The following ATRN variants were observed in gnomAD, a reference collection of about 807,000 sequenced individuals.
ATRN encodes attractin-2.
In ATRN, 54 loss-of-function variants were observed where a neutral mutation model predicts 178.7. The ratio of observed to expected loss-of-function variants is 0.30; its 90% CI spans 0.24 to 0.38. ATRN has a LOEUF of 0.38. ATRN is among the 10% of genes least tolerant of loss of function. The pLI, the probability that ATRN is intolerant of heterozygous loss-of-function variation, is 1.00. For missense variants in ATRN, 1,443 were observed against 1,815.1 expected (o/e 0.79, Z 3.73); for synonymous variants, 636 against 663.0 (o/e 0.96, Z 0.63).
intron 1 of ATRN, among the ~76,000 whole-genome samples, chr20:3,486,629 G>T (rs1183462124): frequency 4.6e-5 from 7 of 152,016 alleles, no homozygotes; most frequent in Non-Finnish European, 1.0e-4. Flanking sequence ...TAATCTGTCC[G>T]CCTTGGCCTC....
In ATRN at chr20:3,535,618, CACACACACATAT is replaced by C. The variant is rs1399135728; in HGVS notation, c.494+284_494+295del. ...ACACACACACACACACACACACACA[CACACACACATAT>C]ATATTTATTTATTTTTATGGGACAG... On this transcript the variant is annotated intron_variant, in intron 2 of 28. Coordinates refer to ENST00000262919, the MANE Select transcript of ATRN (RefSeq NM_139321.3). Among the ~76,000 whole-genome samples, 1,044 of 145,732 alleles carry C rather than the reference CACACACACATAT, an allele frequency of 7.2e-3. 15 individuals are homozygous for C. Among genetic ancestry groups the C allele is most frequent in the African/African-American group, 0.025 (990 of 39,448 alleles).
At chr20:3,475,575 T>G (rs1345180922) in intron 1 of ATRN, among the ~76,000 whole-genome samples, 1 of 152,254 alleles carries the variant, frequency 6.6e-6, no homozygotes, top group Admixed American at 6.5e-5. Flanking sequence ...TATGTGAATC[T>G]TCATAATTCA....
chr20:3,543,986 A>G (rs1453742529), intron 3 of ATRN, among the ~76,000 whole-genome samples: 1 of 152,164 alleles, frequency 6.6e-6, no homozygotes, highest in Non-Finnish European at 1.5e-5. Context: ...GTGAGCTGTG[A>G]TCATGCCACT....
chr20:3,595,013 C>T (rs1411585794), intron 20 of ATRN, among the ~76,000 whole-genome samples: 1 of 152,212 alleles, frequency 6.6e-6, no homozygotes, highest in African/African-American at 2.4e-5. Context: ...TCCCATTACT[C>T]TAGCATTTTC....
intron 6 of ATRN, 84 bp downstream of exon 6, chr20:3,549,422 CCAGT>C (rs150469117): frequency 2.0e-5 from 24 of 1,208,902 alleles, no homozygotes; most frequent in Admixed American, 6.0e-5. Context: ...AAATAAATCA[CCAGT>C]CATTCTACTA....
chr20:3,590,392 G>A (rs2086423549), intron 18 of ATRN, among the ~76,000 whole-genome samples: 1 of 152,222 alleles, frequency 6.6e-6, no homozygotes, highest in South Asian at 2.1e-4. Context: ...TGCTTACAGT[G>A]CAGGTTGTGC....
At chr20:3,476,398 T>C (rs2084531346) in intron 1 of ATRN, among the ~76,000 whole-genome samples, 1 of 152,234 alleles carries the variant, frequency 6.6e-6, no homozygotes, top group Admixed American at 6.5e-5. Context: ...AGTCACTCTT[T>C]ATGGACGTTC....
At chr20:3,480,407 C>T (rs1322878380) in intron 1 of ATRN, among the ~76,000 whole-genome samples, 4 of 152,138 alleles carry the variant, frequency 2.6e-5, no homozygotes, top group African/African-American at 9.7e-5. Context: ...AGGAATTCAC[C>T]TCAGGTCAGA....
rs1357303129 is a variant in ATRN at position 3,543,219 on chromosome 20, G to A, written c.609-2543G>A. Among the ~76,000 whole-genome samples the A allele has an allele frequency of 1.3e-5, 2 of 152,282 alleles. 1 individual carries two copies. The highest frequency in any genetic ancestry group is 4.1e-4 in the South Asian group (2 of 4,830). On this transcript the variant is annotated intron_variant, in intron 3 of 28. Coordinates refer to ENST00000262919, the MANE Select transcript of ATRN (RefSeq NM_139321.3). ...ACACACCTGTGTGGGGAGTATCTGG[G>A]CTTATCTGTTGTTTTTCTAATGTGA... is the stretch of plus-strand genomic sequence containing the variant.
At chr20:3,594,195 T>C (rs2086490685) in intron 19 of ATRN, among the ~76,000 whole-genome samples, 1 of 152,200 alleles carries the variant, frequency 6.6e-6, no homozygotes, top group Admixed American at 6.5e-5. Context: ...ATCATAGCAG[T>C]GAAAAAGAGA....
intron 27 of ATRN, among the ~76,000 whole-genome samples, chr20:3,641,590 C>CAAA (rs61692220): frequency 0.27 from 12,935 of 48,296 alleles, 1,937 homozygotes; most frequent in Middle Eastern, 0.41. Flanking sequence ...GACTCTGTCG[C>CAAA]AAAAAAAAAA....
chr20:3,546,656 G>A (rs911956161), intron 4 of ATRN, among the ~76,000 whole-genome samples: 9 of 152,050 alleles, frequency 5.9e-5, no homozygotes, highest in African/African-American at 2.2e-4. Flanking sequence ...CTCCCAAAGT[G>A]TTGAGATTAC....
intron 17 of ATRN, 143 bp downstream of exon 17, chr20:3,584,226 C>A: frequency 2.4e-6 from 2 of 847,488 alleles, no homozygotes; most frequent in East Asian, 2.5e-5. Flanking sequence ...CAGAGACTGC[C>A]ATCGAGACCT....
chr20:3,645,397 AC>A lies in ATRN; in HGVS notation c.4165+1130del, dbSNP rs2087099939. On this transcript the variant is annotated intron_variant, in intron 28 of 28. Coordinates refer to ENST00000262919, the MANE Select transcript of ATRN (RefSeq NM_139321.3). This position sits in a 1 kb window ranked among gnomAD's most constrained non-coding sequence, Gnocchi z 4.7. ...GGGATTCCTGTGAGTTGAGCCCCTAACTCGGCCTTGCCTGTGTTGAGGACAG... is the reference window on the plus strand; with the variant it reads ...GGGATTCCTGTGAGTTGAGCCCCTAATCGGCCTTGCCTGTGTTGAGGACAG... Among the ~76,000 whole-genome samples, 1 of 152,098 alleles carries A rather than the reference AC, an allele frequency of 6.6e-6. No individual in the cohort carries two copies. The highest frequency in any genetic ancestry group is 1.5e-5 in the Non-Finnish European group (1 of 68,008).
chr20:3,545,787 G>A lies in ATRN; in HGVS notation c.634G>A (p.Gly212Ser). 6.2e-7 allele frequency: 1 copy of A among 1,613,932 alleles called. No homozygotes were observed. The highest frequency in any genetic ancestry group is 8.5e-7 in the Non-Finnish European group (1 of 1,179,882). Residue 212 changes from glycine (G) to serine (S), a missense_variant, in exon 4 of 29, where the codon GGC (glycine) becomes AGC (serine). Coordinates refer to ENST00000262919, the MANE Select transcript of ATRN (RefSeq NM_139321.3). The part of the protein sequence containing the change: ...FSGLIVPERD[G>S]NETVPEVVAT... ...TGGCCTCATTGTTCCTGAGAGAGAT[G>A]GCAATGAGACTGTCCCTGAGGTTGT...
At chr20:3,576,278 G>C (rs1487277174) in intron 13 of ATRN, among the ~76,000 whole-genome samples, 2 of 152,212 alleles carry the variant, frequency 1.3e-5, no homozygotes, top group African/African-American at 2.4e-5. Flanking sequence ...GTTAGGGTTT[G>C]AGAGTGAGTC....
intron 24 of ATRN, 25 bp downstream of exon 24, chr20:3,604,287 A>G (rs1003595160): frequency 1.9e-6 from 3 of 1,570,502 alleles, no homozygotes; most frequent in African/African-American, 1.4e-5. Flanking sequence ...TTGGTCTCAT[A>G]CCTGCAAAGG....
intron 25 of ATRN, among the ~76,000 whole-genome samples, chr20:3,625,249 A>C (rs980743956): frequency 2.0e-5 from 3 of 152,116 alleles, no homozygotes; most frequent in African/African-American, 7.2e-5. Flanking sequence ...GAAGATGAGG[A>C]TATACTGTGT....
intron 1 of ATRN, among the ~76,000 whole-genome samples, chr20:3,523,827 A>T (rs1367510843): frequency 6.6e-6 from 1 of 152,198 alleles, no homozygotes; most frequent in African/African-American, 2.4e-5. Flanking sequence ...AAGCTTCATA[A>T]GTGAAGGAGA....
Sources: allele counts gnomAD v4.1 joint callset (sites outside exome capture counted in the v4.1 genomes callset), GRCh38; gene constraint gnomAD v4.1.1; non-coding constraint Gnocchi (gnomAD v3.1); transcripts MANE v1.5; gene names NCBI Gene and HGNC (gene_info 2026-07-23, HGNC 2026-07-21).